Variants in SH2D4B observed in about 807,000 individuals in gnomAD.
SH2D4B encodes SH2 domain-containing protein 4B.
In SH2D4B, 45 loss-of-function variants were observed where a neutral mutation model predicts 61.5. The ratio of observed to expected loss-of-function variants is 0.73; its 90% CI spans 0.58 to 0.94. SH2D4B has a LOEUF of 0.94. Ranked by LOEUF, SH2D4B falls within the 40% of genes least tolerant of loss-of-function variation. SH2D4B has a pLI of 0.00. For synonymous variants in SH2D4B, 224 were observed against 220.4 expected (o/e 1.02, Z -0.14); for missense variants, 572 against 574.2 (o/e 1.00, Z 0.04).
intron 6 of SH2D4B, among the ~76,000 whole-genome samples, chr10:80,616,618 A>C (rs1000222066): frequency 6.6e-6 from 1 of 152,048 alleles, no homozygotes; most frequent in Non-Finnish European, 1.5e-5. Context: ...CTGGTGCACG[A>C]AGGTACCTTT....
At chr10:80,600,520 C>CGTGTGTGTGT (rs769408150) in intron 4 of SH2D4B, among the ~76,000 whole-genome samples, 1,654 of 133,688 alleles carry the variant, frequency 0.012, 20 homozygotes, top group African/African-American at 0.026. Flanking sequence ...TGCAGAGTGG[C>CGTGTGTGTGT]ATGTGTGTGT....
At chr10:80,546,807 G>T (rs531071778) in intron 1 of SH2D4B, among the ~76,000 whole-genome samples, 1 of 152,162 alleles carries the variant, frequency 6.6e-6, no homozygotes, top group Non-Finnish European at 1.5e-5. Context: ...GATTACAGGC[G>T]TGAGCCACCG....
intron 7 of SH2D4B, among the ~76,000 whole-genome samples, chr10:80,638,985 G>T (rs1252254812): frequency 6.6e-6 from 1 of 152,164 alleles, no homozygotes; most frequent in Non-Finnish European, 1.5e-5. Context: ...GGTACGTTGT[G>T]TCTTTGTTCT....
At chr10:80,567,081 C>A (rs895373475) in intron 1 of SH2D4B, among the ~76,000 whole-genome samples, 2 of 152,132 alleles carry the variant, frequency 1.3e-5, no homozygotes, top group African/African-American at 4.8e-5. Flanking sequence ...TTCTGTGTGG[C>A]TTGCTTTCGA....
intron 6 of SH2D4B, among the ~76,000 whole-genome samples, chr10:80,618,315 AC>A (rs1189577794): frequency 2.4e-4 from 36 of 152,210 alleles, no homozygotes; most frequent in African/African-American, 7.7e-4. Context: ...GGGTGATACC[AC>A]TCTCTCATGA....
chr10:80,635,533 A>G (rs1842887548), intron 7 of SH2D4B, among the ~76,000 whole-genome samples: 1 of 152,168 alleles, frequency 6.6e-6, no homozygotes, highest in South Asian at 2.1e-4. Context: ...CCTTGACCTT[A>G]TGAATAATAC....
intron 5 of SH2D4B, among the ~76,000 whole-genome samples, chr10:80,606,992 A>T (rs906027028): frequency 6.6e-6 from 1 of 152,214 alleles, no homozygotes; most frequent in East Asian, 1.9e-4. Context: ...AGGGTTTATA[A>T]CAAGGGAAAA....
At chr10:80,642,865 C>T (rs1840330810) in intron 7 of SH2D4B, 1 of 152,512 alleles carries the variant, frequency 6.6e-6, no homozygotes, top group Non-Finnish European at 1.5e-5. Flanking sequence ...AAATATGGTG[C>T]CAGTTCAGTC....
chr10:80,589,000 C>CTT (rs200753787), intron 4 of SH2D4B, among the ~76,000 whole-genome samples: 15 of 147,078 alleles, frequency 1.0e-4, no homozygotes, highest in Non-Finnish European at 1.5e-4. Flanking sequence ...TTTTCTTTTT[C>CTT]TTTTTTTTTT....
At chr10:80,570,046 A>G (rs1207195756) in intron 1 of SH2D4B, 108 bp from the exon 2 acceptor site, 2 of 1,340,604 alleles carry the variant, frequency 1.5e-6, no homozygotes, top group Non-Finnish European at 1.0e-6. Context: ...TTTGTGGATG[A>G]CAATGTTCCA....
At chr10:80,637,723 A>G (rs149322444) in intron 7 of SH2D4B, among the ~76,000 whole-genome samples, 23,697 of 151,626 alleles carry the variant, frequency 0.16, 1,573 homozygotes, top group East Asian at 0.2. Flanking sequence ...CAGTCATGTC[A>G]TCTGCAAACA....
At position 80,644,385 on chromosome 10, in the gene SH2D4B, C is replaced by T. The variant is rs1009948227; in HGVS notation, c.*300C>T. 1.1e-4 allele frequency: 29 copies of T among 276,094 alleles called. No homozygotes were observed. The highest frequency in any genetic ancestry group is 1.5e-4 in the Non-Finnish European group (23 of 148,468). 17.1% of individuals were successfully genotyped at this position (276,094 alleles called of 1,614,324 possible). On this transcript the variant is annotated 3_prime_UTR_variant, in exon 8 of 8. Transcript: ENST00000646907. ...AAACCGAGCTCTTACAGTGCGTGGA[C>T]CATGTTTTAATAATCCAAAATAATT... is the stretch of plus-strand genomic sequence containing the variant.
intron 3 of SH2D4B, among the ~76,000 whole-genome samples, chr10:80,585,167 A>G (rs1842228658): frequency 6.6e-6 from 1 of 152,126 alleles, no homozygotes; most frequent in African/African-American, 2.4e-5. Flanking sequence ...GGGACCCCAA[A>G]TCTCTCTCTC....
At chr10:80,640,353 A>G (rs1285584891) in intron 7 of SH2D4B, among the ~76,000 whole-genome samples, 1 of 152,292 alleles carries the variant, frequency 6.6e-6, no homozygotes, top group Middle Eastern at 3.4e-3. Flanking sequence ...AGGTTGGGGA[A>G]GTTCTCCTGG....
intron 1 of SH2D4B, among the ~76,000 whole-genome samples, chr10:80,553,487 T>C (rs1364632675): frequency 6.6e-6 from 1 of 152,092 alleles, no homozygotes; most frequent in East Asian, 1.9e-4. Context: ...GACAGGGAAG[T>C]AGGGGTTGGA....
At chr10:80,597,436 C>T (rs1013803506) in intron 4 of SH2D4B, among the ~76,000 whole-genome samples, 5 of 152,158 alleles carry the variant, frequency 3.3e-5, no homozygotes, top group Admixed American at 6.6e-5. Context: ...GAGGCTGAGG[C>T]AGGTGGATCA....
At chr10:80,630,916 T>C (rs1842825364) in intron 6 of SH2D4B, among the ~76,000 whole-genome samples, 2 of 152,172 alleles carry the variant, frequency 1.3e-5, no homozygotes, top group African/African-American at 2.4e-5. Flanking sequence ...GCCTGGGCTC[T>C]GCTGGAAGTC....
At chr10:80,549,357 G>A (rs1038273387) in intron 1 of SH2D4B, among the ~76,000 whole-genome samples, 1 of 152,154 alleles carries the variant, frequency 6.6e-6, no homozygotes, top group Admixed American at 6.5e-5. Flanking sequence ...CCGTGCAGTG[G>A]GTGCTTCGCC....
chr10:80,553,129 G>T (rs1293419509), intron 1 of SH2D4B, among the ~76,000 whole-genome samples: 1 of 152,148 alleles, frequency 6.6e-6, no homozygotes, highest in Non-Finnish European at 1.5e-5. Context: ...TGTTGGCCAG[G>T]CAGGTCTTGA....
Sources: allele counts gnomAD v4.1 joint callset (sites outside exome capture counted in the v4.1 genomes callset), GRCh38; gene constraint gnomAD v4.1.1; transcripts MANE v1.5; gene names NCBI Gene and HGNC (gene_info 2026-07-23, HGNC 2026-07-21).